The following XIST variants were observed in gnomAD, a reference collection of about 807,000 sequenced individuals.
XIST encodes X inactive specific transcript.
At chrX:73,825,017 T>C (rs775589080) in exon 6 of XIST, 5 of 513,736 alleles carry the variant, frequency 9.7e-6, no homozygotes, top group Non-Finnish European at 1.7e-5. Flanking sequence ...CCATTGACAT[T>C]TGTATCATGC....
chrX:73,827,263 G>A (rs377006194), exon 6 of XIST: 9 of 558,393 alleles, frequency 1.6e-5, no homozygotes, highest in Non-Finnish European at 2.6e-5. Flanking sequence ...TCAGGCAGGG[G>A]TTAGGAAGCC....
At chrX:73,850,405 A>G (rs1405578928) in exon 1 of XIST, 5 of 537,823 alleles carry the variant, frequency 9.3e-6, no homozygotes, top group Non-Finnish European at 1.7e-5. Flanking sequence ...ATACATTTCT[A>G]TAATAGTCAC....
chrX:73,822,821 C>T (rs917039278), exon 6 of XIST: 10 of 556,998 alleles, frequency 1.8e-5, no homozygotes, highest in East Asian at 9.8e-5. Context: ...CACTCTACAA[C>T]GCATGTCAAA....
chrX:73,849,962 G>A (rs1258217757), exon 1 of XIST: 1 of 557,146 alleles, frequency 1.8e-6, no homozygotes, highest in Admixed American at 2.2e-5. Flanking sequence ...ATGCTAGGCA[G>A]GCAGGATACA....
chrX:73,845,443 C>T (rs1922725637), exon 1 of XIST: 1 of 553,743 alleles, frequency 1.8e-6, no homozygotes, highest in East Asian at 3.3e-5. Context: ...TACAATTGTG[C>T]ACCTTGATTG....
exon 1 of XIST, chrX:73,845,879 A>C: frequency 1.8e-6 from 1 of 553,997 alleles, no homozygotes; most frequent in South Asian, 2.2e-5. Context: ...AAATATAATC[A>C]CGCACATAAC....
rs372038869 is a variant in XIST at position 73,824,045 on chromosome X, G to T, written n.15856C>A. On this transcript the variant is annotated non_coding_transcript_exon_variant, in exon 6 of 6. Transcript: ENST00000429829. ...ATGATAATAAATGTTTGTGCCCCCA[G>T]TTGTTATCTCTAAGGATAAGAGTAA... 6.1e-5 allele frequency: 34 copies of T among 553,520 alleles called. No individual in the cohort carries two copies. The Middle Eastern group carries it at 9.2e-4, about 15-fold the overall frequency. The allele number at this position is 553,520 out of a possible 1,213,427, so 45.6% of individuals were successfully genotyped here.
chrX:73,850,876 A>C (rs1380476921), exon 1 of XIST: 2 of 542,048 alleles, frequency 3.7e-6, no homozygotes, highest in African/African-American at 4.5e-5. Context: ...ACTGGACAGG[A>C]GGGGACAAAT....
At chrX:73,843,434 G>A in exon 1 of XIST, 1 of 558,178 alleles carries the variant, frequency 1.8e-6, no homozygotes, top group Non-Finnish European at 3.2e-6. Flanking sequence ...GCAATCCAAA[G>A]GGTAATGGGA....
exon 1 of XIST, chrX:73,849,307 C>A: frequency 1.8e-6 from 1 of 558,918 alleles, no homozygotes; most frequent in Non-Finnish European, 3.2e-6. Flanking sequence ...TTTTAACTGT[C>A]CAACAAAAGA....
At chrX:73,851,629 A>T in exon 1 of XIST, 6 of 558,987 alleles carry the variant, frequency 1.1e-5, no homozygotes, top group Non-Finnish European at 1.9e-5. Context: ...ATAAAAGATG[A>T]TTCTTACTGC....
rs764395604 is a variant in XIST at position 73,847,679 on chromosome X, T to A, written n.5045A>T. On this transcript the variant is annotated non_coding_transcript_exon_variant, in exon 1 of 6. Coordinates refer to ENST00000429829, the Ensembl canonical transcript of XIST. ...AATCAATTAGACATTTGAAATGTCT[T>A]AGACAATTGAAATCAATTAGGCAAT... The A allele has an allele frequency of 1.2e-4, 64 of 531,353 alleles. No individual in the cohort carries two copies. The African/African-American group carries it at 1.4e-3, about 11-fold the overall frequency. 43.8% of individuals were successfully genotyped at this position (531,353 alleles called of 1,213,427 possible). A position where few individuals can be genotyped will look rare whatever the true frequency, so the allele number is the denominator to read the frequency against.
At position 73,843,635 on chromosome X, in the gene XIST, G is replaced by C. The variant is rs1295250236; in HGVS notation, n.9089C>G. On this transcript the variant is annotated non_coding_transcript_exon_variant, in exon 1 of 6. Coordinates refer to ENST00000429829, the Ensembl canonical transcript of XIST. Reference sequence around the variant, plus strand: ...TTAAGTCCAAAAGAAGGGGCACTTAGTGAATATCATCCCCCTGCTCTAAAG... The same window carrying C: ...TTAAGTCCAAAAGAAGGGGCACTTACTGAATATCATCCCCCTGCTCTAAAG... The C allele has an allele frequency of 5.4e-6, 3 of 557,035 alleles. No homozygotes were observed. The African/African-American group carries it at 6.7e-5, about 12-fold the overall frequency. 45.9% of individuals were successfully genotyped at this position (557,035 alleles called of 1,213,427 possible).
chrX:73,852,666 G>C, exon 1 of XIST: 2 of 477,274 alleles, frequency 4.2e-6, no homozygotes, highest in Non-Finnish European at 7.3e-6. Context: ...CCCAAGTGCA[G>C]AGAGATCTTC....
At chrX:73,842,513 G>GGAAGAAAAAGA (rs1182361110) in exon 1 of XIST, 6 of 555,844 alleles carry the variant, frequency 1.1e-5, no homozygotes, top group Non-Finnish European at 1.9e-5. Flanking sequence ...GAAAATGAGT[G>GGAAGAAAAAGA]AAGGCTTATC....
At chrX:73,850,987 T>A (rs1187895836) in exon 1 of XIST, 6 of 559,432 alleles carry the variant, frequency 1.1e-5, no homozygotes, top group Non-Finnish European at 1.9e-5. Flanking sequence ...CCTCCACTTC[T>A]TTCTCCTGAC....
At chrX:73,845,572 T>A (rs1245236777) in exon 1 of XIST, 5 of 554,282 alleles carry the variant, frequency 9.0e-6, no homozygotes, top group African/African-American at 2.3e-5. Flanking sequence ...ATAAATATAA[T>A]CACACACATA....
At chrX:73,849,922 T>C (rs766185044) in exon 1 of XIST, 1 of 543,844 alleles carries the variant, frequency 1.8e-6, no homozygotes, top group South Asian at 2.3e-5. Flanking sequence ...GACTAGGGGT[T>C]TGCTGGGAGC....
At chrX:73,833,724 G>A (rs1922430273) in intron 2 of XIST, 1 of 134,572 alleles carries the variant, frequency 7.4e-6, no homozygotes, top group Non-Finnish European at 1.5e-5. Flanking sequence ...CTGCTTAGAG[G>A]TGCAATTGTC....
Sources: gnomAD v4.1 joint callset for allele counts on GRCh38, gnomAD v4.1.1 for gene constraint, MANE v1.5 for transcripts, NCBI Gene and HGNC (gene_info 2026-07-23, HGNC 2026-07-21) for gene names.